The following SVEP1 variants were observed in gnomAD, a reference collection of about 807,000 sequenced individuals.
The protein encoded by SVEP1 is sushi, von Willebrand factor type A, EGF and pentraxin domain containing 1.
Under a neutral mutation model 367.3 loss-of-function variants are expected in SVEP1, and 164 were observed. The observed-to-expected ratio is 0.45, with a 90% confidence interval of 0.39 to 0.51. SVEP1 has a LOEUF of 0.51. SVEP1 is among the 20% of genes least tolerant of loss of function. SVEP1 has a pLI of 0.00. For missense variants in SVEP1, 4,117 were observed against 4,425.3 expected (o/e 0.93, Z 1.98); for synonymous variants, 1,666 against 1,611.6 (o/e 1.03, Z -0.81).
intron 40 of SVEP1, among the ~76,000 whole-genome samples, chr9:110,400,020 G>T (rs1434969018): frequency 1.3e-5 from 2 of 152,188 alleles, no homozygotes; most frequent in Non-Finnish European, 2.9e-5. Flanking sequence ...AGGTGCTGCG[G>T]AAGGGATTTT....
At chr9:110,456,982 G>A (rs147613547) in intron 21 of SVEP1, among the ~76,000 whole-genome samples, 1 of 152,264 alleles carries the variant, frequency 6.6e-6, no homozygotes, top group Non-Finnish European at 1.5e-5. Context: ...CTTTGAACAT[G>A]ACCCCTGTAT....
intron 3 of SVEP1, among the ~76,000 whole-genome samples, chr9:110,538,947 A>AT (rs1207210575): frequency 6.6e-6 from 1 of 152,070 alleles, no homozygotes; most frequent in Non-Finnish European, 1.5e-5. Flanking sequence ...AAATGTAAAT[A>AT]TTTTGGTTTT....
chr9:110,394,399 G>GA (rs1288726042), intron 40 of SVEP1, among the ~76,000 whole-genome samples: 1 of 152,004 alleles, frequency 6.6e-6, no homozygotes, highest in Non-Finnish European at 1.5e-5. Context: ...ACAAAGATGG[G>GA]AAAAAAACAG....
intron 17 of SVEP1, among the ~76,000 whole-genome samples, chr9:110,466,904 G>A (rs1828947466): frequency 6.6e-6 from 1 of 152,038 alleles, no homozygotes; most frequent in Non-Finnish European, 1.5e-5. Flanking sequence ...GAGAGGTGAA[G>A]CAACTTGCTA....
intron 2 of SVEP1, among the ~76,000 whole-genome samples, chr9:110,547,171 G>A (rs1260398097): frequency 6.6e-6 from 1 of 152,116 alleles, no homozygotes; most frequent in Admixed American, 6.6e-5. Context: ...CTAGATAGGG[G>A]CAAAGCAAAG....
At chr9:110,393,294 A>G (rs1827696387) in intron 40 of SVEP1, among the ~76,000 whole-genome samples, 2 of 152,240 alleles carry the variant, frequency 1.3e-5, no homozygotes, top group African/African-American at 4.8e-5. Context: ...GAAGATATAT[A>G]TAAGCCTGGT....
At position 110,503,160 on chromosome 9, in the gene SVEP1, C is replaced by T. The variant is rs750577088; in HGVS notation, c.1361G>A (p.Arg454Lys). 7.4e-6 allele frequency: 12 copies of T among 1,613,936 alleles called. No homozygotes were observed. The highest frequency in any genetic ancestry group is 2.2e-5 in the South Asian group (2 of 91,076). ...ACATGTTGTCTTATATAACATTTCC[C>T]TTGTAGAACAGCTGATGTGGCCATG... ...PKHGHISCSTREMLYKTTCLV... is the reference protein window; with the variant it reads ...PKHGHISCSTKEMLYKTTCLV... Residue 454 changes from arginine (R) to lysine (K), a missense_variant, in exon 6 of 48, where the codon AGG (arginine) becomes AAG (lysine). Arg to Lys is a conservative substitution (Grantham distance 26, BLOSUM62 2). Coordinates refer to ENST00000374469, the MANE Select transcript of SVEP1 (RefSeq NM_153366.4).
chr9:110,436,539 A>G (rs1172673646), intron 27 of SVEP1, 35 bp from the exon 28 acceptor site: 1 of 1,601,916 alleles, frequency 6.2e-7, no homozygotes, highest in South Asian at 1.1e-5. Flanking sequence ...AAGGAGGAAA[A>G]CTGGCCTGAT....
chr9:110,453,432 G>A (rs866482886), intron 22 of SVEP1, among the ~76,000 whole-genome samples: 19 of 152,198 alleles, frequency 1.2e-4, no homozygotes, highest in Middle Eastern at 3.4e-3. Context: ...TGGAAGCTGC[G>A]ACTCTTAAGA....
chr9:110,390,478 C>T (rs916699764), intron 40 of SVEP1, among the ~76,000 whole-genome samples: 1 of 149,952 alleles, frequency 6.7e-6, no homozygotes, highest in Non-Finnish European at 1.5e-5. Context: ...AATTGTGTAT[C>T]CCAAAATGTA....
chr9:110,538,996 A>C (rs930139720), intron 3 of SVEP1, among the ~76,000 whole-genome samples: 3 of 152,102 alleles, frequency 2.0e-5, no homozygotes, highest in Non-Finnish European at 4.4e-5. Context: ...CTTACCTAGT[A>C]CCTTTGTGCT....
chr9:110,550,039 G>A lies in SVEP1; in HGVS notation c.597C>T (p.Ser199=), dbSNP rs751272536. The stretch of plus-strand genomic sequence containing the variant: ...CAATTGGTCTAGGGTCTCCCCCATT[G>A]GAATATCCATCAGTGATGAGAAATA... ...KVVFLITDGY[S]NGGDPRPIAA... The change falls in exon 2 of 48, where the codon TCC becomes TCT. Residue 199 remains serine (S), a synonymous_variant. Coordinates refer to ENST00000374469, the MANE Select transcript of SVEP1 (RefSeq NM_153366.4). 4 of 1,613,978 alleles carry A rather than the reference G, an allele frequency of 2.5e-6. No homozygotes were observed. In the South Asian group the frequency reaches 4.4e-5, roughly 18 times the overall value.
At chr9:110,477,868 TCTC>T (rs1564153987) in intron 13 of SVEP1, among the ~76,000 whole-genome samples, 2 of 152,094 alleles carry the variant, frequency 1.3e-5, no homozygotes, top group Non-Finnish European at 2.9e-5. Context: ...TCTCCTACCC[TCTC>T]CTCCTAGAGC....
In SVEP1 at chr9:110,406,198, A is replaced by T. The variant is rs780754215; in HGVS notation, c.9402T>A (p.Thr3134=). 3 of 1,603,210 alleles carry T rather than the reference A, an allele frequency of 1.9e-6. No individual in the cohort carries two copies. The highest frequency in any genetic ancestry group is 2.6e-6 in the Non-Finnish European group (3 of 1,174,024). Residue 3134 remains threonine, a synonymous_variant, in exon 38 of 48, where the codon ACT becomes ACA. Coordinates refer to ENST00000374469, the MANE Select transcript of SVEP1 (RefSeq NM_153366.4). ...SPPSVANAVA[T]GEAHTYESEV... The stretch of plus-strand genomic sequence containing the variant: ...CACTTTCATAGGTGTGTGCCTCTCC[A>T]GTTGCCACTGCATTGGCGACAGACG...
At chr9:110,496,726 A>G (rs905196101) in intron 8 of SVEP1, 89 bp downstream of exon 8, 12 of 893,258 alleles carry the variant, frequency 1.3e-5, no homozygotes, top group African/African-American at 1.2e-4. Context: ...AAGTATTACC[A>G]TGAGCATATT....
At chr9:110,395,249 A>T (rs1403312577) in intron 40 of SVEP1, among the ~76,000 whole-genome samples, 1 of 152,312 alleles carries the variant, frequency 6.6e-6, no homozygotes, top group South Asian at 2.1e-4. Flanking sequence ...ATCCAGCCAA[A>T]CTATGCTTCA....
At chr9:110,452,482 T>C (rs951909289) in intron 22 of SVEP1, among the ~76,000 whole-genome samples, 10 of 152,186 alleles carry the variant, frequency 6.6e-5, no homozygotes, top group African/African-American at 1.9e-4. Context: ...AATGCAACCA[T>C]AGGCAGACGG....
Position 110,429,414 on chromosome 9 carries a change from A to G in SVEP1, c.5616-80T>C. On this transcript the variant is annotated intron_variant, in intron 34 of 47. Transcript: ENST00000374469. The stretch of plus-strand genomic sequence containing the variant: ...TTATCTGTGCCAAAAACCTCTAAAA[A>G]TATTAAGAATTTATACATATTGGAA... 7 of 1,013,546 alleles carry G rather than the reference A, an allele frequency of 6.9e-6. 1 individual carries two copies. The South Asian group carries it at 1.8e-4, about 25-fold the overall frequency. 62.8% of individuals were successfully genotyped at this position (1,013,546 alleles called of 1,614,324 possible).
intron 3 of SVEP1, 122 bp from the exon 4 acceptor site, chr9:110,514,228 T>A: frequency 7.5e-7 from 1 of 1,335,226 alleles, no homozygotes; most frequent in Non-Finnish European, 1.0e-6. Flanking sequence ...AATGGTGATG[T>A]AGGCTGGGTG....
Sources: allele counts gnomAD v4.1 joint callset (sites outside exome capture counted in the v4.1 genomes callset), GRCh38; gene constraint gnomAD v4.1.1; transcripts MANE v1.5; gene names NCBI Gene and HGNC (gene_info 2026-07-23, HGNC 2026-07-21).